The following USF3 variants were observed in gnomAD, a reference collection of about 807,000 sequenced individuals.
USF3 encodes basic helix-loop-helix domain-containing protein USF3.
Under a neutral mutation model 157.5 loss-of-function variants are expected in USF3, and 29 were observed. The observed-to-expected ratio is 0.18, with a 90% CI of 0.14 to 0.25. The LOEUF (loss-of-function observed/expected upper bound fraction) is 0.25, where lower values mean the gene tolerates loss of function less well. Among genes scored for constraint, USF3 ranks in the 10% least tolerant of loss-of-function variants. USF3 has a pLI of 1.00. For synonymous variants in USF3, 893 were observed against 941.4 expected (o/e 0.95, Z 0.94); for missense variants, 2,381 against 2,667.6 (o/e 0.89, Z 2.37).
At chr3:113,693,136 T>C (rs924825278) in intron 1 of USF3, among the ~76,000 whole-genome samples, 1 of 152,244 alleles carries the variant, frequency 6.6e-6, no homozygotes, top group African/African-American at 2.4e-5. Context: ...TTATAATATA[T>C]AACATGGCAG....
chr3:113,682,898 T>C (rs898103783), intron 1 of USF3, among the ~76,000 whole-genome samples: 3 of 151,796 alleles, frequency 2.0e-5, no homozygotes, highest in South Asian at 2.1e-4. Context: ...TGGGCTTTTT[T>C]TTTTTTTTTT....
chr3:113,679,949 CTT>C (rs1047476907), intron 1 of USF3, among the ~76,000 whole-genome samples: 2 of 123,172 alleles, frequency 1.6e-5, no homozygotes. Context: ...TTATGTTTTT[CTT>C]TTTTTTTTTG....
Position 113,659,315 on chromosome 3 carries a change from G to A in USF3, c.2367C>T (p.Asn789=), listed in dbSNP as rs747143801. ...TCTTATTCAACCTTTTAGATTTCAT[G>A]TTAGGCAAACAAGCAACAGTGTTCA... is the stretch of plus-strand genomic sequence containing the variant. ...SSMNTVACLP[N]MKSKRLNKKP... The change falls in exon 7 of 7, where the codon AAC becomes AAT. Residue 789 remains asparagine (N), a synonymous_variant. Coordinates refer to ENST00000316407, the MANE Select transcript of USF3 (RefSeq NM_001009899.4). 9 of 1,614,092 alleles carry A rather than the reference G, an allele frequency of 5.6e-6. No individual in the cohort carries two copies. Among genetic ancestry groups the A allele is most frequent in the African/African-American group, 5.3e-5 (4 of 74,930 alleles).
chr3:113,655,302 A>G lies in USF3; in HGVS notation c.6380T>C (p.Ile2127Thr). 6.2e-7 allele frequency: 1 copy of G among 1,614,102 alleles called. No individual in the cohort carries two copies. Among genetic ancestry groups the G allele is most frequent in the South Asian group, 1.1e-5 (1 of 91,082 alleles). Residue 2127 changes from isoleucine to threonine, a missense_variant, in exon 7 of 7, where the codon ATC becomes ACC. Transcript: ENST00000316407. ...AHPTLSNDIS[I>T]PYFPNQMFSN... is the part of the protein sequence containing the mutation. ...GAACATCTGATTAGGAAAATAGGGGATTGAAATATCATTGGACAGTGTAGG... is the reference window on the plus strand; with the variant it reads ...GAACATCTGATTAGGAAAATAGGGGGTTGAAATATCATTGGACAGTGTAGG...
In USF3 at chr3:113,649,731, A is replaced by G. The variant is rs1266502418; in HGVS notation, c.*5213T>C. On this transcript the variant is annotated 3_prime_UTR_variant, in exon 7 of 7. Coordinates refer to ENST00000316407, the MANE Select transcript of USF3 (RefSeq NM_001009899.4). ...TTCAGGTAAAGTGCAGGAACAGGGT[A>G]GAGGCTACAGGTGGAAAGATCTAGA... 4 of 683,030 alleles carry G rather than the reference A, an allele frequency of 5.9e-6. No homozygotes were observed. The African/African-American group carries it at 7.1e-5, about 12-fold the overall frequency. 42.3% of individuals were successfully genotyped at this position (683,030 alleles called of 1,614,324 possible).
At position 113,684,728 on chromosome 3, in the gene USF3, C is replaced by T. The variant is rs531824272; in HGVS notation, c.-134-7331G>A. 4.6e-5 allele frequency among the ~76,000 whole-genome samples: 7 copies of T among 152,148 alleles called. No individual in the cohort carries two copies. In the South Asian group the frequency reaches 1.0e-3, roughly 23 times the overall value. On this transcript the variant is annotated intron_variant, in intron 1 of 6. Coordinates refer to ENST00000316407, the MANE Select transcript of USF3 (RefSeq NM_001009899.4). ...ATTTTAATCTCTTCATTAAATTTATCGATAGGATTCTGAATTTTTTCTCTG... is the reference window on the plus strand; with the variant it reads ...ATTTTAATCTCTTCATTAAATTTATTGATAGGATTCTGAATTTTTTCTCTG...
chr3:113,659,547 G>A lies in USF3; in HGVS notation c.2135C>T (p.Ala712Val), dbSNP rs867844885. The A allele has an allele frequency of 6.2e-7, 1 of 1,614,160 alleles. No individual in the cohort carries two copies. Among genetic ancestry groups the A allele is most frequent in the Non-Finnish European group, 8.5e-7 (1 of 1,179,992 alleles). Residue 712 changes from alanine to valine, a missense_variant, in exon 7 of 7, where the codon GCC (alanine) becomes GTC (valine). Coordinates refer to ENST00000316407, the MANE Select transcript of USF3 (RefSeq NM_001009899.4). Reference sequence around the variant, plus strand: ...CTGTGATATGCTTTGATTGAGGCTGGCCAAAGCACCAAATGTATTCAGGGC... The same window carrying A: ...CTGTGATATGCTTTGATTGAGGCTGACCAAAGCACCAAATGTATTCAGGGC... ...NVALNTFGAL[A>V]SLNQSISQMA...
chr3:113,667,161 C>T (rs539819624), intron 5 of USF3, among the ~76,000 whole-genome samples: 28 of 151,820 alleles, frequency 1.8e-4, no homozygotes, highest in African/African-American at 5.8e-4. Flanking sequence ...AGACCCAATA[C>T]GTAAACCCAG....
rs769936703 is a variant in USF3, at chr3:113,659,431, C to G, written c.2251G>C (p.Val751Leu). Residue 751 changes from valine to leucine, a missense_variant, in exon 7 of 7, where the codon GTT (valine) becomes CTT (leucine). By Grantham distance (32) the Val-to-Leu change is conservative. Transcript: ENST00000316407. ...ANSQTTTANC[V>L]SLTTTAAPPV... ...GGTGCTGCAGTTGTTGTTAATGAAACACAGTTAGCTGTAGTGGTTTGACTA... is the reference window on the plus strand; with the variant it reads ...GGTGCTGCAGTTGTTGTTAATGAAAGACAGTTAGCTGTAGTGGTTTGACTA... 6.2e-7 allele frequency: 1 copy of G among 1,614,214 alleles called. No individual in the cohort carries two copies. The highest frequency in any genetic ancestry group is 8.5e-7 in the Non-Finnish European group (1 of 1,180,038).
At chr3:113,684,292 T>C (rs931948905) in intron 1 of USF3, among the ~76,000 whole-genome samples, 1 of 152,304 alleles carries the variant, frequency 6.6e-6, no homozygotes, top group Non-Finnish European at 1.5e-5. Context: ...TTTTTTATCC[T>C]TGACCTTTGG....
intron 5 of USF3, among the ~76,000 whole-genome samples, chr3:113,669,497 C>T (rs1377561529): frequency 1.3e-5 from 2 of 151,998 alleles, no homozygotes; most frequent in African/African-American, 2.4e-5. Context: ...GTGATTATTG[C>T]TTGGGAGTAA....
At position 113,659,802 on chromosome 3, in the gene USF3, G is replaced by GCAACA; in HGVS notation, c.1879_1880insTGTTG (p.Thr627MetfsTer42). 6.2e-7 allele frequency: 1 copy of GCAACA among 1,614,224 alleles called. No homozygotes were observed. The highest frequency in any genetic ancestry group is 8.5e-7 in the Non-Finnish European group (1 of 1,180,006). On this transcript the variant is annotated frameshift_variant, in exon 7 of 7. Coordinates refer to ENST00000316407, the MANE Select transcript of USF3 (RefSeq NM_001009899.4). LOFTEE classifies it high-confidence loss of function. ...GTGGACAAGATGCTTTCCTCCAAAA[G>GCAACA]TCTGTGGTGTTGGAACATTTTGCAC...
chr3:113,674,923 G>A (rs1707242945), intron 2 of USF3, 27 bp from the exon 3 acceptor site: 2 of 1,429,190 alleles, frequency 1.4e-6, no homozygotes, highest in Non-Finnish European at 2.0e-6. Flanking sequence ...AGACACACCA[G>A]AAAGCTTAGT....
At chr3:113,676,873 A>C (rs1707294323) in intron 2 of USF3, among the ~76,000 whole-genome samples, 1 of 152,242 alleles carries the variant, frequency 6.6e-6, no homozygotes, top group Admixed American at 6.5e-5. Flanking sequence ...CGTGAATCAT[A>C]ATAACAGTAT....
In USF3 at chr3:113,650,194, C is replaced by G; in HGVS notation, c.*4750G>C. On this transcript the variant is annotated 3_prime_UTR_variant, in exon 7 of 7. Coordinates refer to ENST00000316407, the MANE Select transcript of USF3 (RefSeq NM_001009899.4). ...CTCCAAAGCTGTTTCATTTTGGTAT[C>G]ACCTTTGCCCTTTCATTCTTCACAG... is the stretch of plus-strand genomic sequence containing the variant. The G allele has an allele frequency of 4.0e-6, 1 of 251,094 alleles. No individual in the cohort carries two copies. The highest frequency in any genetic ancestry group is 8.4e-5 in the East Asian group (1 of 11,900). The allele number at this position is 251,094 out of a possible 1,614,324, so 15.6% of individuals were successfully genotyped here.
chr3:113,685,138 G>C (rs1247441569), intron 1 of USF3, among the ~76,000 whole-genome samples: 5 of 152,158 alleles, frequency 3.3e-5, no homozygotes, highest in African/African-American at 4.8e-5. Context: ...TCTTGAGTAA[G>C]ATCCAGAATT....
Position 113,657,037 on chromosome 3 carries a change from G to C in USF3, c.4645C>G (p.Arg1549Gly). Reference sequence around the variant, plus strand: ...GGATGTGGCTGGCCAGTCTTGGATCGGGATTGGTCAGTTCCATGGTGCTTT... The same window carrying C: ...GGATGTGGCTGGCCAGTCTTGGATCCGGATTGGTCAGTTCCATGGTGCTTT... Reference protein sequence around the residue: ...QPKHHGTDQSRSKTGQPHPHH... With the variant: ...QPKHHGTDQSGSKTGQPHPHH... The change falls in exon 7 of 7, where the codon CGA becomes GGA. Residue 1549 changes from arginine to glycine, a missense_variant. Physicochemically the swap from Arg to Gly is moderately radical, Grantham distance 125 (BLOSUM62 -2). Around this residue, in one of 6 missense-constraint regions of USF3, gnomAD observed 770 missense variants for 824.2 expected, o/e 0.93. Transcript: ENST00000316407. 1 of 1,614,106 alleles carries C rather than the reference G, an allele frequency of 6.2e-7. No homozygotes were observed. Among genetic ancestry groups the C allele is most frequent in the Non-Finnish European group, 8.5e-7 (1 of 1,180,008 alleles).
Position 113,660,392 on chromosome 3 carries a change from CTG to C in USF3, c.1288_1289del (p.Gln430AspfsTer30). On this transcript the variant is annotated frameshift_variant, in exon 7 of 7. Transcript: ENST00000316407. LOFTEE classifies it high-confidence loss of function. Reference sequence around the variant, plus strand: ...CCAGTTGCAAAGTAGTCCACGTTGTCTGTGTGTTTCCAGCTGAAGAGATTCGT... The same window carrying C: ...CCAGTTGCAAAGTAGTCCACGTTGTCTGTGTTTCCAGCTGAAGAGATTCGT... ...LTRISSAGNT[Q>X]TTWTTLQLAG... The C allele has an allele frequency of 6.2e-7, 1 of 1,614,182 alleles. No homozygotes were observed.
intron 4 of USF3, among the ~76,000 whole-genome samples, chr3:113,672,607 T>C (rs555499295): frequency 6.6e-6 from 1 of 152,246 alleles, no homozygotes; most frequent in Non-Finnish European, 1.5e-5. Flanking sequence ...TTGTAATGCA[T>C]GGAGGTTAAA....
Sources: allele counts gnomAD v4.1 joint callset (sites outside exome capture counted in the v4.1 genomes callset), GRCh38; gene constraint gnomAD v4.1.1; regional missense constraint gnomAD v4.1.1; transcripts MANE v1.5; gene names NCBI Gene and HGNC (gene_info 2026-07-23, HGNC 2026-07-21).